The following KIAA1549L variants were observed in gnomAD, a reference collection of about 807,000 sequenced individuals.
The protein encoded by KIAA1549L is UPF0606 protein KIAA1549L.
Under a neutral mutation model 160.7 loss-of-function variants are expected in KIAA1549L, and 88 were observed. The observed-to-expected ratio is 0.55, with a 90% confidence interval of 0.46 to 0.65. The LOEUF (loss-of-function observed/expected upper bound fraction) is 0.65. KIAA1549L is among the 30% of genes least tolerant of loss of function. The pLI is 0.00. For missense variants in KIAA1549L, 2,258 were observed against 2,437.5 expected, an observed-to-expected ratio of 0.93 and a Z score of 1.55; for synonymous variants, 950 against 976.7, an observed-to-expected ratio of 0.97 and a Z score of 0.51.
intron 20 of KIAA1549L, among the ~76,000 whole-genome samples, chr11:33,663,706 A>G (rs887850975): frequency 4.6e-5 from 7 of 152,280 alleles, no homozygotes; most frequent in African/African-American, 1.7e-4. Context: ...AGTGATTTTC[A>G]GACTGTGCTC....
intron 1 of KIAA1549L, among the ~76,000 whole-genome samples, chr11:33,491,464 A>T (rs1030137709): frequency 6.6e-6 from 1 of 152,220 alleles, no homozygotes; most frequent in Non-Finnish European, 1.5e-5. Context: ...AAAAGAAGTT[A>T]GGGGCTATGG....
In KIAA1549L at chr11:33,563,079, C is replaced by T. The variant is rs114963965; in HGVS notation, c.4078+1344C>T. On this transcript the variant is annotated intron_variant, in intron 8 of 20. Transcript: ENST00000658780. Reference sequence around the variant, plus strand: ...AAAATAGGAATCTGGGGGGACAGGCCGGGTGTGATGGCTCACCCCTGTAAT... The same window carrying T: ...AAAATAGGAATCTGGGGGGACAGGCTGGGTGTGATGGCTCACCCCTGTAAT... Among the ~76,000 whole-genome samples the T allele has an allele frequency of 7.8e-3, 1,188 of 151,682 alleles. 12 individuals are homozygous for T. Among genetic ancestry groups the T allele is most frequent in the African/African-American group, 0.027 (1,137 of 41,348 alleles).
intron 1 of KIAA1549L, among the ~76,000 whole-genome samples, chr11:33,482,964 TG>T (rs1249093084): frequency 6.6e-6 from 1 of 152,196 alleles, no homozygotes; most frequent in Admixed American, 6.5e-5. Context: ...CAGTGTTTCC[TG>T]GTATTTTCAT....
At chr11:33,450,112 A>G (rs1244881638) in intron 1 of KIAA1549L, among the ~76,000 whole-genome samples, 1 of 152,248 alleles carries the variant, frequency 6.6e-6, no homozygotes, top group African/African-American at 2.4e-5. Context: ...ACACTCAAGC[A>G]TAACTGAACA....
At chr11:33,439,672 A>G (rs951445012) in intron 1 of KIAA1549L, among the ~76,000 whole-genome samples, 1 of 151,236 alleles carries the variant, frequency 6.6e-6, no homozygotes, top group Non-Finnish European at 1.5e-5. Context: ...TGGCCTCCCA[A>G]AGTGCTGGGA....
At chr11:33,576,813 TA>T (rs1393690326) in intron 10 of KIAA1549L, among the ~76,000 whole-genome samples, 1 of 152,034 alleles carries the variant, frequency 6.6e-6, no homozygotes, top group East Asian at 1.9e-4. Context: ...TCAAAGAGGA[TA>T]AGTGGGGTTG....
chr11:33,528,299 T>C (rs1456742322), intron 1 of KIAA1549L, among the ~76,000 whole-genome samples: 3 of 152,138 alleles, frequency 2.0e-5, no homozygotes. Flanking sequence ...CCTGCAAGAA[T>C]GGCCATAATT....
intron 1 of KIAA1549L, among the ~76,000 whole-genome samples, chr11:33,540,785 G>C (rs968254464): frequency 6.6e-6 from 1 of 152,202 alleles, no homozygotes; most frequent in African/African-American, 2.4e-5. Context: ...GCACCCCAAT[G>C]ATCCTGATCT....
intron 10 of KIAA1549L, among the ~76,000 whole-genome samples, chr11:33,581,952 A>G (rs1286338926): frequency 1.3e-5 from 2 of 152,198 alleles, no homozygotes; most frequent in Admixed American, 1.3e-4. Flanking sequence ...AAAAAAAAGC[A>G]TGTATTTATT....
At chr11:33,498,471 G>T (rs1852870476) in intron 1 of KIAA1549L, among the ~76,000 whole-genome samples, 1 of 152,116 alleles carries the variant, frequency 6.6e-6, no homozygotes, top group Non-Finnish European at 1.5e-5. Context: ...ACCATGTCTG[G>T]GATGGCTTAA....
chr11:33,417,373 T>C (rs1282062858), intron 1 of KIAA1549L, among the ~76,000 whole-genome samples: 5 of 152,142 alleles, frequency 3.3e-5, no homozygotes, highest in Non-Finnish European at 7.4e-5. Context: ...TTAGCCTCAC[T>C]GTAGGCGCTG....
chr11:33,421,721 A>G (rs987185618), intron 1 of KIAA1549L, among the ~76,000 whole-genome samples: 3 of 152,230 alleles, frequency 2.0e-5, no homozygotes, highest in Non-Finnish European at 4.4e-5. Flanking sequence ...CATCAATAAT[A>G]ATGCAGATTT....
intron 1 of KIAA1549L, among the ~76,000 whole-genome samples, chr11:33,471,353 A>T (rs759500021): frequency 1.3e-5 from 2 of 151,832 alleles, no homozygotes; most frequent in Non-Finnish European, 2.9e-5. Flanking sequence ...TAGCCACTTC[A>T]TTAGTTCTCT....
chr11:33,557,919 G>A (rs1443239472), intron 6 of KIAA1549L, among the ~76,000 whole-genome samples: 1 of 151,914 alleles, frequency 6.6e-6, no homozygotes, highest in African/African-American at 2.4e-5. Flanking sequence ...AGAAAAGGCG[G>A]GGGAGAGAGA....
At chr11:33,552,725 T>C (rs948040567) in intron 6 of KIAA1549L, among the ~76,000 whole-genome samples, 1 of 151,502 alleles carries the variant, frequency 6.6e-6, no homozygotes, top group Non-Finnish European at 1.5e-5. Flanking sequence ...ATTGAAGTCT[T>C]TACTATGTGC....
rs1427025059 is a variant in KIAA1549L at position 33,376,186 on chromosome 11, GC to G, written c.-463del. Among the ~76,000 whole-genome samples, 1 of 149,618 alleles carries G rather than the reference GC, an allele frequency of 6.7e-6. No homozygotes were observed. Among genetic ancestry groups the G allele is most frequent in the Non-Finnish European group, 1.5e-5 (1 of 67,040 alleles). On this transcript the variant is annotated 5_prime_UTR_variant, in exon 1 of 21. Transcript: ENST00000658780. This position sits in a 1 kb window ranked among gnomAD's most constrained non-coding sequence, Gnocchi z 5.8. ...GCCGGAGCCGGGGCTGGAACCCGAA[GC>G]CCAGCGAGGAGCGAGGAGCGAGGAG...
At chr11:33,435,195 C>A (rs1313992393) in intron 1 of KIAA1549L, among the ~76,000 whole-genome samples, 2 of 152,084 alleles carry the variant, frequency 1.3e-5, no homozygotes, top group Non-Finnish European at 2.9e-5. Context: ...TTAGATTTTC[C>A]AAGGGTGTTT....
At chr11:33,579,390 AC>A (rs1168198137) in intron 10 of KIAA1549L, among the ~76,000 whole-genome samples, 1 of 152,098 alleles carries the variant, frequency 6.6e-6, no homozygotes, top group Non-Finnish European at 1.5e-5. Context: ...ACAATAAATT[AC>A]CTTCTGCCTT....
At chr11:33,435,796 A>ATGTGTGTGTGTGTGTGTG (rs1394942738) in intron 1 of KIAA1549L, among the ~76,000 whole-genome samples, 6 of 34,670 alleles carry the variant, frequency 1.7e-4, no homozygotes, top group Non-Finnish European at 2.4e-4. Flanking sequence ...ATATATATAT[A>ATGTGTGTGTGTGTGTGTG]TATATATATA....
Sources: gnomAD v4.1 joint callset for allele counts (sites outside exome capture counted in the v4.1 genomes callset) on GRCh38, gnomAD v4.1.1 for gene constraint, Gnocchi (gnomAD v3.1) non-coding constraint, MANE v1.5 for transcripts, NCBI Gene and HGNC (gene_info 2026-07-23, HGNC 2026-07-21) for gene names.